Variants in GALNT17 observed in about 807,000 individuals in gnomAD.
GALNT17 encodes the protein UDP-GalNAc:polypeptide N-acetylgalactosaminyltransferase-like 3.
A neutral mutation model predicts 63.7 loss-of-function variants in GALNT17; 29 were observed. That is an observed-to-expected ratio of 0.46 (90% CI 0.34 to 0.62). The LOEUF (loss-of-function observed/expected upper bound fraction) is 0.62. Among genes scored for constraint, GALNT17 ranks in the 20% least tolerant of loss-of-function variants. The probability of loss-of-function intolerance (pLI) is 0.01; values close to 1 mark genes in which losing one functional copy is unlikely to be tolerated. For missense variants in GALNT17, 603 were observed against 799.6 expected, an observed-to-expected ratio of 0.75 and a Z score of 2.97; for synonymous variants, 305 against 318.3, an observed-to-expected ratio of 0.96 and a Z score of 0.45.
intron 6 of GALNT17, among the ~76,000 whole-genome samples, chr7:71,595,454 G>A (rs1789871481): frequency 6.6e-6 from 1 of 151,584 alleles, no homozygotes; most frequent in Non-Finnish European, 1.5e-5. Flanking sequence ...AGATGCAAAG[G>A]AAAGTAAAAA....
At chr7:71,217,618 T>C (rs1789508941) in intron 1 of GALNT17, among the ~76,000 whole-genome samples, 2 of 152,140 alleles carry the variant, frequency 1.3e-5, no homozygotes, top group South Asian at 2.1e-4. Flanking sequence ...CTAAGTCATG[T>C]ACATAGTCGT....
chr7:71,146,945 G>C (rs1204784776), intron 1 of GALNT17, among the ~76,000 whole-genome samples: 1 of 152,154 alleles, frequency 6.6e-6, no homozygotes, highest in Non-Finnish European at 1.5e-5. Flanking sequence ...GGACACAAGG[G>C]AGGCTAATTG....
intron 2 of GALNT17, among the ~76,000 whole-genome samples, chr7:71,359,823 A>T (rs1246101122): frequency 2.6e-5 from 4 of 152,124 alleles, no homozygotes; most frequent in Non-Finnish European, 5.9e-5. Flanking sequence ...ACCTCAGGTG[A>T]TCCACCTGCC....
At chr7:71,685,918 T>G (rs1262048304) in intron 9 of GALNT17, among the ~76,000 whole-genome samples, 7 of 148,832 alleles carry the variant, frequency 4.7e-5, no homozygotes, top group African/African-American at 1.7e-4. Flanking sequence ...TCTTGGGTTT[T>G]TTTTTTTTTT....
chr7:71,248,557 A>G (rs1482256711), intron 1 of GALNT17, among the ~76,000 whole-genome samples: 1 of 152,220 alleles, frequency 6.6e-6, no homozygotes, highest in Non-Finnish European at 1.5e-5. Context: ...TGATGTGTTC[A>G]TGTGGTGAAA....
At chr7:71,261,255 G>C (rs1270771852) in intron 1 of GALNT17, among the ~76,000 whole-genome samples, 1 of 152,164 alleles carries the variant, frequency 6.6e-6, no homozygotes, top group African/African-American at 2.4e-5. Flanking sequence ...ATGGGCCCCT[G>C]TTCCCTTTCG....
rs750348564 is a variant in GALNT17, at chr7:71,670,057, A to C, written c.1352A>C (p.Asp451Ala). 1.9e-6 allele frequency: 3 copies of C among 1,614,168 alleles called. No individual in the cohort carries two copies. Among genetic ancestry groups the C allele is most frequent in the Non-Finnish European group, 2.5e-6 (3 of 1,180,038 alleles). Residue 451 changes from aspartate (D) to alanine (A), a missense_variant, in exon 8 of 11, where the codon GAC becomes GCC. Asp to Ala is a moderately radical substitution (Grantham distance 126, BLOSUM62 -2). This residue lies in a region of GALNT17 where 336 missense variants were observed against 507.8 expected (regional missense o/e 0.66). Coordinates refer to ENST00000333538, the MANE Select transcript of GALNT17 (RefSeq NM_022479.3). The stretch of plus-strand genomic sequence containing the variant: ...TGTAAGAATTTCCAGTGGTACCTGG[A>C]CCATGTTTACCCAGAAATGAGAAGA... ...LKCKNFQWYLDHVYPEMRRYN... is the reference protein window; with the variant it reads ...LKCKNFQWYLAHVYPEMRRYN...
At chr7:71,485,015 G>A (rs1161293643) in intron 5 of GALNT17, among the ~76,000 whole-genome samples, 2 of 130,792 alleles carry the variant, frequency 1.5e-5, no homozygotes, top group African/African-American at 5.8e-5. Flanking sequence ...CACCATGTTG[G>A]TCAAGCTGGT....
intron 2 of GALNT17, among the ~76,000 whole-genome samples, chr7:71,378,795 G>A (rs976403833): frequency 1.3e-5 from 2 of 151,528 alleles, no homozygotes; most frequent in African/African-American, 2.4e-5. Flanking sequence ...ACCAGCCTGG[G>A]CAACACACTG....
chr7:71,256,101 A>G (rs1790284767), intron 1 of GALNT17, among the ~76,000 whole-genome samples: 1 of 152,214 alleles, frequency 6.6e-6, no homozygotes, highest in Admixed American at 6.5e-5. Flanking sequence ...ACTCCTTATC[A>G]CAACCCAGAC....
chr7:71,158,446 G>A (rs1257394287), intron 1 of GALNT17, among the ~76,000 whole-genome samples: 1 of 151,534 alleles, frequency 6.6e-6, no homozygotes, highest in African/African-American at 2.4e-5. Context: ...CCAGGCTGGA[G>A]TGCAGTGGCG....
At chr7:71,705,617 C>T (rs888923786) in intron 9 of GALNT17, among the ~76,000 whole-genome samples, 6 of 152,054 alleles carry the variant, frequency 3.9e-5, no homozygotes, top group Admixed American at 2.6e-4. Flanking sequence ...TGGAAACAAC[C>T]CCAATGTCCA....
At chr7:71,224,764 A>ACTG in intron 1 of GALNT17, among the ~76,000 whole-genome samples, 1 of 152,216 alleles carries the variant, frequency 6.6e-6, no homozygotes, top group South Asian at 2.1e-4. Flanking sequence ...TGAGGCTGGA[A>ACTG]CTGCTATGAG....
chr7:71,571,239 T>C, intron 5 of GALNT17, 46 bp from the exon 6 acceptor site: 1 of 1,557,190 alleles, frequency 6.4e-7, no homozygotes, highest in South Asian at 1.1e-5. Context: ...GAAGGGCTTC[T>C]GGCACTGACA....
At chr7:71,172,284 AG>A (rs1788560133) in intron 1 of GALNT17, among the ~76,000 whole-genome samples, 1 of 151,792 alleles carries the variant, frequency 6.6e-6, no homozygotes, top group South Asian at 2.1e-4. Context: ...GGGGCAACAT[AG>A]TGAGACCCCA....
chr7:71,480,365 A>G (rs1461456715), intron 5 of GALNT17, among the ~76,000 whole-genome samples: 4 of 151,594 alleles, frequency 2.6e-5, no homozygotes, highest in Non-Finnish European at 5.9e-5. Context: ...AGTCCTGGCC[A>G]TGCCTCTCCT....
intron 5 of GALNT17, among the ~76,000 whole-genome samples, chr7:71,461,221 C>T (rs774697109): frequency 1.7e-4 from 22 of 132,742 alleles, no homozygotes; most frequent in Non-Finnish European, 3.1e-4. Flanking sequence ...TAGTTGACAC[C>T]GTAGACTTGT....
intron 6 of GALNT17, among the ~76,000 whole-genome samples, chr7:71,651,940 A>G (rs905847660): frequency 6.6e-6 from 1 of 151,890 alleles, no homozygotes; most frequent in Admixed American, 6.6e-5. Flanking sequence ...GCCTCAAGCA[A>G]TCCCCCCCAG....
intron 5 of GALNT17, among the ~76,000 whole-genome samples, chr7:71,456,430 G>A (rs1429042580): frequency 6.6e-6 from 1 of 152,070 alleles, no homozygotes; most frequent in Non-Finnish European, 1.5e-5. Flanking sequence ...CGGGCGTAGT[G>A]GCTCATGCCT....
Sources: allele counts gnomAD v4.1 joint callset (sites outside exome capture counted in the v4.1 genomes callset), GRCh38; gene constraint gnomAD v4.1.1; regional missense constraint gnomAD v4.1.1; transcripts MANE v1.5; gene names NCBI Gene and HGNC (gene_info 2026-07-23, HGNC 2026-07-21).